LIN7C: variants seen among roughly 807,000 people sequenced by gnomAD.
LIN7C encodes the protein lin-7 cell polarity scaffold C, also known as protein lin-7 homolog C.
In LIN7C, 17 loss-of-function variants were observed where a neutral mutation model predicts 24.7. The ratio of observed to expected loss-of-function variants is 0.69; its 90% CI spans 0.47 to 1.03. LIN7C has a LOEUF of 1.03. LIN7C is among the 50% of genes least tolerant of loss of function. LIN7C has a pLI of 0.00. For synonymous variants in LIN7C, 90 were observed against 83.4 expected, an observed-to-expected ratio of 1.08 and a Z score of -0.43; for missense variants, 204 against 239.0, an observed-to-expected ratio of 0.85 and a Z score of 0.97.
Position 27,496,012 on chromosome 11 carries a change from A to C in LIN7C, c.*2637T>G, listed in dbSNP as rs532494428. ...AAACCAAAAAAAAAACAAAAAAAAAACCTAAGAAATGTAATTAATCATTAA... is the reference window on the plus strand; with the variant it reads ...AAACCAAAAAAAAAACAAAAAAAAACCCTAAGAAATGTAATTAATCATTAA... On this transcript the variant is annotated 3_prime_UTR_variant, in exon 5 of 5. Transcript: ENST00000278193. The C allele has an allele frequency of 1.5e-4, 22 of 151,712 alleles. No homozygotes were observed. The highest frequency in any genetic ancestry group is 9.7e-4 in the East Asian group (5 of 5,156). The allele number at this position is 151,712 out of a possible 1,614,324, so 9.4% of individuals were successfully genotyped here.
At chr11:27,499,975 C>G (rs998993878) in intron 3 of LIN7C, among the ~76,000 whole-genome samples, 1 of 152,130 alleles carries the variant, frequency 6.6e-6, no homozygotes, top group African/African-American at 2.4e-5. Context: ...TTTTTGACGT[C>G]TGAATGCTCA....
chr11:27,497,149 T>G lies in LIN7C; in HGVS notation c.*1500A>C, dbSNP rs1388523532. The G allele has an allele frequency of 6.6e-6, 1 of 152,606 alleles. No homozygotes were observed. Among genetic ancestry groups the G allele is most frequent in the African/African-American group, 2.4e-5 (1 of 41,464 alleles). The allele number at this position is 152,606 out of a possible 1,614,324, so 9.5% of individuals were successfully genotyped here. On this transcript the variant is annotated 3_prime_UTR_variant, in exon 5 of 5. Transcript: ENST00000278193. Reference sequence around the variant, plus strand: ...ATAAATAACAATGCTGATTGACTTTTATTTTGAAAAATCATTGAAAACTGG... The same window carrying G: ...ATAAATAACAATGCTGATTGACTTTGATTTTGAAAAATCATTGAAAACTGG...
chr11:27,495,793 G>T lies in LIN7C; in HGVS notation c.*2856C>A, dbSNP rs1402432960. 1 of 151,200 alleles carries T rather than the reference G, an allele frequency of 6.6e-6. No individual in the cohort carries two copies. Among genetic ancestry groups the T allele is most frequent in the African/African-American group, 2.4e-5 (1 of 41,186 alleles). The allele number at this position is 151,200 out of a possible 1,614,324, so 9.4% of individuals were successfully genotyped here. A position where few individuals can be genotyped will look rare whatever the true frequency, so the allele number is the denominator to read the frequency against. ...AGACTGTAATTACTTCCCAAATAAG[G>T]AATGCCAAGTACCTTTTATTCCTAA... is the stretch of plus-strand genomic sequence containing the variant. On this transcript the variant is annotated 3_prime_UTR_variant, in exon 5 of 5. Transcript: ENST00000278193.
In LIN7C at chr11:27,499,411, T is replaced by C. The variant is rs199590042; in HGVS notation, c.386A>G (p.Asp129Gly). 3.1e-6 allele frequency: 5 copies of C among 1,614,054 alleles called. 1 individual carries two copies. Among genetic ancestry groups the C allele is most frequent in the East Asian group, 4.5e-5 (2 of 44,874 alleles). ...TCCACGTTTGAGGCCCCCATGTCTA[T>C]CAGCAATTCCACCTGGAATTATTCG... ...ISRIIPGGIA[D>G]RHGGLKRGDQ... is the part of the protein sequence containing the mutation. The change falls in exon 4 of 5, where the codon GAT becomes GGT. Residue 129 changes from aspartate (D) to glycine (G), a missense_variant. Around this residue, in one of 3 missense-constraint regions of LIN7C, gnomAD observed 74 missense variants for 99.6 expected, o/e 0.74. Coordinates refer to ENST00000278193, the MANE Select transcript of LIN7C (RefSeq NM_018362.4).
In LIN7C at chr11:27,499,421, C is replaced by T; in HGVS notation, c.376G>A (p.Gly126Arg). 1 of 1,614,072 alleles carries T rather than the reference C, an allele frequency of 6.2e-7. No homozygotes were observed. The highest frequency in any genetic ancestry group is 8.5e-7 in the Non-Finnish European group (1 of 1,180,008). Residue 126 changes from glycine to arginine, a missense_variant, in exon 4 of 5, where the codon GGA (glycine) becomes AGA (arginine). Transcript: ENST00000278193. ...AGGCCCCCATGTCTATCAGCAATTC[C>T]ACCTGGAATTATTCGGGATATATAG... is the stretch of plus-strand genomic sequence containing the variant. ...PIYISRIIPG[G>R]IADRHGGLKR...
intron 1 of LIN7C, among the ~76,000 whole-genome samples, chr11:27,502,414 C>T (rs12788629): frequency 6.6e-6 from 1 of 152,046 alleles, no homozygotes; most frequent in Non-Finnish European, 1.5e-5. Context: ...AAACATGATA[C>T]ATAGGTAGAT....
At chr11:27,498,927 T>C (rs1253863566) in intron 4 of LIN7C, 123 bp from the exon 5 acceptor site, 13 of 805,230 alleles carry the variant, frequency 1.6e-5, no homozygotes, top group Non-Finnish European at 2.4e-5. Context: ...ATTCCAACAT[T>C]ACAAAACTAA....
In LIN7C at chr11:27,494,706, C is replaced by G. The variant is rs184511176; in HGVS notation, c.*3943G>C. The G allele has an allele frequency of 1.3e-5, 2 of 152,248 alleles. No homozygotes were observed. Among genetic ancestry groups the G allele is most frequent in the Admixed American group, 1.3e-4 (2 of 15,292 alleles). The allele number at this position is 152,248 out of a possible 1,614,324, so 9.4% of individuals were successfully genotyped here. On this transcript the variant is annotated 3_prime_UTR_variant, in exon 5 of 5. Coordinates refer to ENST00000278193, the MANE Select transcript of LIN7C (RefSeq NM_018362.4). ...ACAAATTTTAAAAGTAGAAGCATAG[C>G]ATTTGCCAGTTATTTTAAAAAACCG...
At chr11:27,501,706 T>C (rs1159971405) in intron 2 of LIN7C, 96 bp downstream of exon 2, 2 of 948,540 alleles carry the variant, frequency 2.1e-6, no homozygotes, top group Non-Finnish European at 3.2e-6. Context: ...TTTAATGTTT[T>C]CTAAAGTTTT....
rs1442482627 is a variant in LIN7C, at chr11:27,505,290, C to A, written c.37+1426G>T. Among the ~76,000 whole-genome samples, 3 of 152,216 alleles carry A rather than the reference C, an allele frequency of 2.0e-5. No individual in the cohort carries two copies. The East Asian group carries it at 5.8e-4, about 29-fold the overall frequency. The stretch of plus-strand genomic sequence containing the variant: ...GAGGTTGCAGTGAGCCGAGATCGCG[C>A]CACTGCACTCCAGCCTGGGCGACAG... On this transcript the variant is annotated intron_variant, in intron 1 of 4. Transcript: ENST00000278193.
chr11:27,498,039 T>C lies in LIN7C; in HGVS notation c.*610A>G, dbSNP rs1364162968. The C allele has an allele frequency of 6.6e-6, 1 of 152,124 alleles. No homozygotes were observed. The highest frequency in any genetic ancestry group is 1.5e-5 in the Non-Finnish European group (1 of 67,984). The allele number at this position is 152,124 out of a possible 1,614,324, so 9.4% of individuals were successfully genotyped here. A position where few individuals can be genotyped will look rare whatever the true frequency, so the allele number is the denominator to read the frequency against. ...AGTATAAATGAATATCCATTATATA[T>C]TATGTTTAAGTAAAAGTGAAAAAAC... On this transcript the variant is annotated 3_prime_UTR_variant, in exon 5 of 5. Transcript: ENST00000278193.
At chr11:27,501,060 A>C (rs1259369132) in intron 3 of LIN7C, among the ~76,000 whole-genome samples, 2 of 152,184 alleles carry the variant, frequency 1.3e-5, no homozygotes, top group Non-Finnish European at 2.9e-5. Flanking sequence ...CAACTCGGGG[A>C]AGTACCCCAG....
At chr11:27,500,332 C>A (rs1167368985) in intron 3 of LIN7C, among the ~76,000 whole-genome samples, 1 of 152,128 alleles carries the variant, frequency 6.6e-6, no homozygotes, top group Non-Finnish European at 1.5e-5. Flanking sequence ...TATATGTAAT[C>A]ATTTTGGCTT....
chr11:27,505,437 A>G (rs1865271446), intron 1 of LIN7C, among the ~76,000 whole-genome samples: 1 of 152,258 alleles, frequency 6.6e-6, no homozygotes, highest in Admixed American at 6.5e-5. Flanking sequence ...GCTCCCATCT[A>G]TAAAACACAG....
chr11:27,505,950 G>A (rs914620173), intron 1 of LIN7C, among the ~76,000 whole-genome samples: 4 of 152,206 alleles, frequency 2.6e-5, no homozygotes, highest in Non-Finnish European at 5.9e-5. Context: ...TGGAAATCAT[G>A]GTAGGCGCAT....
intron 3 of LIN7C, 75 bp from the exon 4 acceptor site, chr11:27,499,643 G>A (rs376961312): frequency 1.1e-5 from 15 of 1,339,636 alleles, no homozygotes; most frequent in East Asian, 7.1e-5. Context: ...TTCCCCCCGA[G>A]ATGGAGTCTC....
chr11:27,501,629 T>TTCAGGCGAAGTTAAAATC, intron 2 of LIN7C, 63 bp from the exon 3 acceptor site: 1 of 1,210,400 alleles, frequency 8.3e-7, no homozygotes, highest in South Asian at 1.4e-5. Flanking sequence ...AAGTTAAAAT[T>TTCAGGCGAAGTTAAAATC]TCAGGCAAAG....
rs955759268 is a variant in LIN7C, at chr11:27,497,070, G to A, written c.*1579C>T. The stretch of plus-strand genomic sequence containing the variant: ...ATCCTATCAATAACAAGCACATTTT[G>A]TAGTGGATTAAAGACACATTCAACC... On this transcript the variant is annotated 3_prime_UTR_variant, in exon 5 of 5. Coordinates refer to ENST00000278193, the MANE Select transcript of LIN7C (RefSeq NM_018362.4). 6.6e-6 allele frequency: 1 copy of A among 152,472 alleles called. No individual in the cohort carries two copies. The highest frequency in any genetic ancestry group is 6.6e-5 in the Admixed American group (1 of 15,250). 9.4% of individuals were successfully genotyped at this position (152,472 alleles called of 1,614,324 possible).
In LIN7C at chr11:27,495,556, C is replaced by T. The variant is rs1039644504; in HGVS notation, c.*3093G>A. ...TAGGCTGCTATTATCTAGTATTATA[C>T]TAACAAATGAAGTGCCCACATTAAG... is the stretch of plus-strand genomic sequence containing the variant. On this transcript the variant is annotated 3_prime_UTR_variant, in exon 5 of 5. Coordinates refer to ENST00000278193, the MANE Select transcript of LIN7C (RefSeq NM_018362.4). 1 of 151,528 alleles carries T rather than the reference C, an allele frequency of 6.6e-6. No homozygotes were observed. The highest frequency in any genetic ancestry group is 2.4e-5 in the African/African-American group (1 of 41,240). 9.4% of individuals were successfully genotyped at this position (151,528 alleles called of 1,614,324 possible). A position where few individuals can be genotyped will look rare whatever the true frequency, so the allele number is the denominator to read the frequency against.
Sources: allele counts gnomAD v4.1 joint callset (sites outside exome capture counted in the v4.1 genomes callset), GRCh38; gene constraint gnomAD v4.1.1; regional missense constraint gnomAD v4.1.1; transcripts MANE v1.5; gene names NCBI Gene and HGNC (gene_info 2026-07-23, HGNC 2026-07-21).